KIF21A: variants seen among roughly 807,000 people sequenced by gnomAD.
KIF21A encodes the protein kinesin-like protein KIF21A.
A neutral mutation model predicts 202.9 loss-of-function variants in KIF21A; 114 were observed. That is an observed-to-expected ratio of 0.56 (90% CI 0.48 to 0.66). The LOEUF is 0.66. KIF21A is among the 30% of genes least tolerant of loss of function. KIF21A has a pLI of 0.00. For synonymous variants in KIF21A, 667 were observed against 670.8 expected (o/e 0.99, Z 0.09); for missense variants, 1,677 against 1,994.9 (o/e 0.84, Z 3.04).
chr12:39,322,612 T>C, intron 27 of KIF21A, 56 bp downstream of exon 27: 1 of 1,290,614 alleles, frequency 7.7e-7, no homozygotes, highest in Non-Finnish European at 1.1e-6. Flanking sequence ...GCAACATGCA[T>C]ACTTTTTTTT....
At chr12:39,307,778 T>G (rs1943619783) in intron 33 of KIF21A, 49 bp from the exon 34 acceptor site, 1 of 1,571,478 alleles carries the variant, frequency 6.4e-7, no homozygotes, top group Non-Finnish European at 8.7e-7. Context: ...GGACTTGGGT[T>G]TGGCTTAGAA....
At chr12:39,413,118 A>G (rs1953250693) in intron 1 of KIF21A, among the ~76,000 whole-genome samples, 1 of 152,064 alleles carries the variant, frequency 6.6e-6, no homozygotes. Context: ...TGCCTCCTCT[A>G]TTTTTTCAGG....
intron 1 of KIF21A, among the ~76,000 whole-genome samples, chr12:39,384,753 T>G (rs1293781905): frequency 6.6e-6 from 1 of 152,182 alleles, no homozygotes; most frequent in East Asian, 1.9e-4. Context: ...ACTCAAAGTC[T>G]TACCAGGCTA....
intron 1 of KIF21A, among the ~76,000 whole-genome samples, chr12:39,410,930 G>C (rs1953031755): frequency 6.6e-6 from 1 of 152,176 alleles, no homozygotes; most frequent in Admixed American, 6.5e-5. Context: ...GGGAAAGAGA[G>C]AGAATGCTAC....
At chr12:39,341,441 T>C in intron 14 of KIF21A, 64 bp downstream of exon 14, 2 of 1,495,328 alleles carry the variant, frequency 1.3e-6, no homozygotes, top group Non-Finnish European at 1.9e-6. Flanking sequence ...TGTTAAGAGT[T>C]TTCTGTCATG....
intron 1 of KIF21A, among the ~76,000 whole-genome samples, chr12:39,439,064 C>T (rs1040512340): frequency 7.2e-5 from 11 of 152,230 alleles, no homozygotes; most frequent in South Asian, 2.1e-4. Context: ...CCATACCTTC[C>T]TACACCCATG....
chr12:39,324,234 T>C (rs1945611504), intron 26 of KIF21A, among the ~76,000 whole-genome samples: 1 of 152,182 alleles, frequency 6.6e-6, no homozygotes, highest in African/African-American at 2.4e-5. Flanking sequence ...ATACTCTTAA[T>C]TCTCTCCACA....
intron 33 of KIF21A, among the ~76,000 whole-genome samples, chr12:39,308,536 C>T (rs536164119): frequency 2.5e-4 from 38 of 152,268 alleles, no homozygotes; most frequent in East Asian, 3.9e-4. Flanking sequence ...TTAAAGACAA[C>T]GGAGACCTTT....
intron 1 of KIF21A, among the ~76,000 whole-genome samples, chr12:39,384,595 C>T (rs376782393): frequency 1.3e-5 from 2 of 152,130 alleles, no homozygotes; most frequent in Non-Finnish European, 2.9e-5. Flanking sequence ...TTTTTTCCCC[C>T]TTAAGCAGCA....
At chr12:39,334,637 C>T (rs2138198268) in intron 17 of KIF21A, among the ~76,000 whole-genome samples, 1 of 152,240 alleles carries the variant, frequency 6.6e-6, no homozygotes, top group East Asian at 1.9e-4. Flanking sequence ...AAATCTCAAG[C>T]TCATTCATAT....
intron 1 of KIF21A, among the ~76,000 whole-genome samples, chr12:39,391,897 C>A (rs1435224194): frequency 1.3e-5 from 2 of 151,994 alleles, no homozygotes; most frequent in African/African-American, 4.8e-5. Flanking sequence ...TGCCATTACA[C>A]CCGGCTAATT....
intron 1 of KIF21A, among the ~76,000 whole-genome samples, chr12:39,398,748 G>A (rs1221501266): frequency 1.3e-5 from 2 of 152,156 alleles, no homozygotes; most frequent in Non-Finnish European, 2.9e-5. Flanking sequence ...AAAGTAATCA[G>A]TAAATAAGTA....
At chr12:39,351,011 G>A (rs537769784) in intron 11 of KIF21A, among the ~76,000 whole-genome samples, 1 of 151,944 alleles carries the variant, frequency 6.6e-6, no homozygotes, top group Admixed American at 6.6e-5. Context: ...TAATTTGACT[G>A]GCATGCTCAA....
intron 33 of KIF21A, 63 bp downstream of exon 33, chr12:39,309,522 TG>T (rs1943804089): frequency 3.5e-6 from 4 of 1,136,314 alleles, no homozygotes; most frequent in East Asian, 5.0e-5. Context: ...TTCTTATATT[TG>T]TAAAAAAAAA....
At chr12:39,310,042 A>G (rs866078086) in intron 32 of KIF21A, among the ~76,000 whole-genome samples, 13 of 152,154 alleles carry the variant, frequency 8.5e-5, no homozygotes, top group South Asian at 2.1e-4. Flanking sequence ...TGGTCATATC[A>G]AGAGTCTTGC....
chr12:39,294,051 T>C lies in KIF21A; in HGVS notation c.*373A>G. 4.8e-6 allele frequency: 1 copy of C among 206,422 alleles called. No homozygotes were observed. Among genetic ancestry groups the C allele is most frequent in the Non-Finnish European group, 9.9e-6 (1 of 101,414 alleles). 12.8% of individuals were successfully genotyped at this position (206,422 alleles called of 1,614,324 possible). ...ACATAAATCACTTGAATAAACTACA[T>C]GAATGAGTTAATGGTGGGCTGCATC... On this transcript the variant is annotated 3_prime_UTR_variant, in exon 38 of 38. Coordinates refer to ENST00000361418, the MANE Select transcript of KIF21A (RefSeq NM_001173464.2).
rs769384831 is a variant in KIF21A, at chr12:39,333,259, C to T, written c.2440G>A (p.Ala814Thr). The T allele has an allele frequency of 6.2e-7, 1 of 1,611,316 alleles. No individual in the cohort carries two copies. Among genetic ancestry groups the T allele is most frequent in the South Asian group, 1.1e-5 (1 of 91,006 alleles). The change falls in exon 18 of 38, where the codon GCC (alanine) becomes ACC (threonine). Residue 814 changes from alanine (A) to threonine (T), a missense_variant. Ala to Thr is a moderately conservative substitution (Grantham distance 58). This residue lies in a region of KIF21A where 966 missense variants were observed against 1,180.9 expected (regional missense o/e 0.82). Transcript: ENST00000361418. The part of the protein sequence containing the change: ...KRDHQLRLLE[A>T]QKRNQEVVLR... ...ACCACTTCTTGGTTTCTTTTTTGGG[C>T]TTCCAGAAGTCTAAGTTGATGCTAT...
chr12:39,341,462 C>T (rs1293031315), intron 14 of KIF21A, 43 bp downstream of exon 14: 1 of 1,593,202 alleles, frequency 6.3e-7, no homozygotes, highest in Non-Finnish European at 8.6e-7. Context: ...GTTTAAACAA[C>T]TTCCCAAAAT....
chr12:39,418,539 G>A (rs1460716123), intron 1 of KIF21A, among the ~76,000 whole-genome samples: 1 of 152,168 alleles, frequency 6.6e-6, no homozygotes, highest in African/African-American at 2.4e-5. Flanking sequence ...AAACATCCGA[G>A]TGTTTGGGAA....
Sources: allele counts gnomAD v4.1 joint callset (sites outside exome capture counted in the v4.1 genomes callset), GRCh38; gene constraint gnomAD v4.1.1; regional missense constraint gnomAD v4.1.1; transcripts MANE v1.5; gene names NCBI Gene and HGNC (gene_info 2026-07-23, HGNC 2026-07-21).